CNST: variants seen among roughly 807,000 people sequenced by gnomAD.
CNST encodes the protein consortin.
A neutral mutation model predicts 72.4 loss-of-function variants in CNST; 39 were observed. The ratio of observed to expected loss-of-function variants is 0.54; its 90% CI spans 0.42 to 0.70. The LOEUF (loss-of-function observed/expected upper bound fraction) is 0.70, where lower values mean the gene tolerates loss of function less well. CNST is among the 30% of genes least tolerant of loss of function. The pLI is 0.00. For missense variants in CNST, 871 were observed against 868.5 expected (o/e 1.00, Z -0.04); for synonymous variants, 332 against 320.1 (o/e 1.04, Z -0.40).
intron 2 of CNST, 119 bp downstream of exon 2, chr1:246,592,060 A>T: frequency 1.3e-6 from 1 of 766,716 alleles, no homozygotes; most frequent in East Asian, 2.7e-5. Context: ...TTCTGGAGCT[A>T]GTTCCGCCGC....
At chr1:246,629,862 G>A (rs1664668169) in intron 3 of CNST, among the ~76,000 whole-genome samples, 1 of 152,116 alleles carries the variant, frequency 6.6e-6, no homozygotes, top group African/African-American at 2.4e-5. Context: ...CTCCCAAGTA[G>A]CTGGGAATAC....
chr1:246,660,650 G>A (rs554523694), intron 10 of CNST, among the ~76,000 whole-genome samples: 19 of 152,140 alleles, frequency 1.2e-4, no homozygotes, highest in Non-Finnish European at 1.5e-4. Flanking sequence ...GCTTGAACCC[G>A]GGAGACAGGT....
At chr1:246,626,343 A>C (rs922819853) in intron 3 of CNST, among the ~76,000 whole-genome samples, 1 of 150,222 alleles carries the variant, frequency 6.7e-6, no homozygotes, top group Non-Finnish European at 1.5e-5. Flanking sequence ...GAGCCACTGC[A>C]CCCAGCCCTA....
At chr1:246,646,426 A>C (rs1666076530) in intron 8 of CNST, among the ~76,000 whole-genome samples, 2 of 152,256 alleles carry the variant, frequency 1.3e-5, no homozygotes, top group South Asian at 4.1e-4. Flanking sequence ...AAAATGATGA[A>C]TGTGTTACTG....
intron 9 of CNST, among the ~76,000 whole-genome samples, chr1:246,649,612 T>C (rs1666338713): frequency 6.6e-6 from 1 of 151,206 alleles, no homozygotes; most frequent in Admixed American, 6.6e-5. Flanking sequence ...AGGTATAAAC[T>C]GTGAAGAAGA....
intron 9 of CNST, among the ~76,000 whole-genome samples, chr1:246,650,803 G>A (rs1003988454): frequency 1.3e-5 from 2 of 151,192 alleles, no homozygotes; most frequent in South Asian, 4.2e-4. Flanking sequence ...TCAGTCTGTC[G>A]AGTAGCTGGG....
chr1:246,614,220 C>G (rs1452751924), intron 2 of CNST, among the ~76,000 whole-genome samples: 1 of 151,880 alleles, frequency 6.6e-6, no homozygotes, highest in Admixed American at 6.6e-5. Context: ...TTTCCTATAC[C>G]CACCCTGTGT....
intron 2 of CNST, among the ~76,000 whole-genome samples, chr1:246,609,662 G>T (rs1376927121): frequency 6.6e-6 from 1 of 152,204 alleles, no homozygotes; most frequent in Non-Finnish European, 1.5e-5. Flanking sequence ...AAACATGTCA[G>T]AAAAAGGGAG....
chr1:246,643,755 T>G (rs933977639), intron 8 of CNST, among the ~76,000 whole-genome samples: 14 of 152,208 alleles, frequency 9.2e-5, no homozygotes, highest in African/African-American at 3.1e-4. Context: ...TTGCTCCAGT[T>G]TCACCAAACA....
intron 4 of CNST, among the ~76,000 whole-genome samples, chr1:246,633,229 C>T (rs888681570): frequency 3.9e-5 from 6 of 152,090 alleles, no homozygotes; most frequent in East Asian, 1.9e-4. Flanking sequence ...GCAGGCAGAT[C>T]GCTTGAGGTC....
chr1:246,583,459 T>G (rs1190041368), intron 1 of CNST, among the ~76,000 whole-genome samples: 1 of 152,238 alleles, frequency 6.6e-6, no homozygotes, highest in African/African-American at 2.4e-5. Context: ...TTTATAGACA[T>G]AGCGTATAAT....
intron 9 of CNST, among the ~76,000 whole-genome samples, chr1:246,657,915 C>G (rs994048153): frequency 5.9e-5 from 9 of 152,108 alleles, no homozygotes; most frequent in Non-Finnish European, 1.3e-4. Flanking sequence ...TCAGAAAGAT[C>G]AATTAAGAGC....
At chr1:246,637,684 G>T (rs954620760) in intron 6 of CNST, among the ~76,000 whole-genome samples, 5 of 152,196 alleles carry the variant, frequency 3.3e-5, no homozygotes, top group African/African-American at 1.2e-4. Flanking sequence ...GGCCTGTAAG[G>T]TGCATGGAGA....
intron 9 of CNST, among the ~76,000 whole-genome samples, chr1:246,658,123 A>G (rs1666867241): frequency 6.6e-6 from 1 of 152,236 alleles, no homozygotes; most frequent in Admixed American, 6.5e-5. Context: ...GAAAAATTTT[A>G]GAACAGCCAG....
At chr1:246,648,240 C>G (rs1666241337) in intron 9 of CNST, 3 of 1,342,482 alleles carry the variant, frequency 2.2e-6, no homozygotes, top group Non-Finnish European at 2.9e-6. Flanking sequence ...AATGTTCATA[C>G]TACAAGATGT....
At chr1:246,635,297 G>A (rs943877495) in intron 6 of CNST, among the ~76,000 whole-genome samples, 3 of 151,808 alleles carry the variant, frequency 2.0e-5, no homozygotes, top group Non-Finnish European at 2.9e-5. Flanking sequence ...GGATTGTCTG[G>A]CGATTAACTG....
At position 246,631,005 on chromosome 1, in the gene CNST, C is replaced by T. The variant is rs776991508; in HGVS notation, c.586-889C>T. Among the ~76,000 whole-genome samples the T allele has an allele frequency of 2.8e-4, 42 of 152,200 alleles. 2 individuals are homozygous for T. The highest frequency in any genetic ancestry group is 3.4e-3 in the Middle Eastern group (1 of 294). Reference sequence around the variant, plus strand: ...AGATGATCCACCCACCTCAGCCTCCCAAAGCGCTGGGATTACAGGCGTGAG... The same window carrying T: ...AGATGATCCACCCACCTCAGCCTCCTAAAGCGCTGGGATTACAGGCGTGAG... On this transcript the variant is annotated intron_variant, in intron 3 of 10. Coordinates refer to ENST00000366513, the MANE Select transcript of CNST (RefSeq NM_152609.3).
At chr1:246,602,896 A>G (rs1558547160) in intron 2 of CNST, among the ~76,000 whole-genome samples, 1 of 47,542 alleles carries the variant, frequency 2.1e-5, no homozygotes. Flanking sequence ...CTTTTTGTCT[A>G]GTTTTTTTTT....
At chr1:246,583,835 C>T (rs1229844645) in intron 1 of CNST, among the ~76,000 whole-genome samples, 1 of 152,190 alleles carries the variant, frequency 6.6e-6, no homozygotes, top group African/African-American at 2.4e-5. Flanking sequence ...GCAGGAGCAT[C>T]GTGTTCCCAT....
Sources: allele counts gnomAD v4.1 joint callset (sites outside exome capture counted in the v4.1 genomes callset), GRCh38; gene constraint gnomAD v4.1.1; transcripts MANE v1.5; gene names NCBI Gene and HGNC (gene_info 2026-07-23, HGNC 2026-07-21).